Variants in PLBD1 observed in about 807,000 individuals in gnomAD.
PLBD1 encodes phospholipase B domain containing 1.
A neutral mutation model predicts 63.0 loss-of-function variants in PLBD1; 60 were observed. The observed-to-expected ratio is 0.95, with a 90% confidence interval of 0.77 to 1.18. The LOEUF (loss-of-function observed/expected upper bound fraction) is 1.18. Ranked by LOEUF, PLBD1 falls within the 50% of genes most tolerant of loss-of-function variation. The pLI is 0.00. For missense variants in PLBD1, 598 were observed against 677.9 expected (o/e 0.88, Z 1.31); for synonymous variants, 262 against 248.0 (o/e 1.06, Z -0.53).
chr12:14,566,886 G>A (rs1415158330), intron 1 of PLBD1, among the ~76,000 whole-genome samples: 2 of 151,924 alleles, frequency 1.3e-5, no homozygotes, highest in Non-Finnish European at 2.9e-5. Flanking sequence ...GCCCGAGTCA[G>A]GCGTTCGAGA....
intron 6 of PLBD1, among the ~76,000 whole-genome samples, chr12:14,523,875 T>C (rs1443551474): frequency 6.6e-6 from 1 of 152,178 alleles, no homozygotes; most frequent in African/African-American, 2.4e-5. Flanking sequence ...TGCAGCACTA[T>C]TCACAATAGT....
intron 1 of PLBD1, among the ~76,000 whole-genome samples, chr12:14,567,009 C>A (rs1209564836): frequency 6.6e-6 from 1 of 151,978 alleles, no homozygotes; most frequent in Non-Finnish European, 1.5e-5. Context: ...GGAGGAGAAT[C>A]GCTTGAACCC....
intron 6 of PLBD1, chr12:14,533,017 C>T (rs988120945): frequency 6.6e-6 from 1 of 152,004 alleles, no homozygotes; most frequent in African/African-American, 2.4e-5. Flanking sequence ...TGCATGTTAG[C>T]CTCTTTAGGT....
At chr12:14,515,208 G>A (rs1243905822) in intron 6 of PLBD1, among the ~76,000 whole-genome samples, 3 of 152,144 alleles carry the variant, frequency 2.0e-5, no homozygotes, top group Admixed American at 6.6e-5. Flanking sequence ...TGTTGAGACA[G>A]GGTGGAGTTG....
At chr12:14,563,314 G>A (rs921984836) in intron 1 of PLBD1, among the ~76,000 whole-genome samples, 1 of 152,082 alleles carries the variant, frequency 6.6e-6, no homozygotes, top group African/African-American at 2.4e-5. Context: ...GAGGCCAGGA[G>A]TTTGAGACCA....
At chr12:14,509,681 C>T (rs1253058426) in intron 8 of PLBD1, among the ~76,000 whole-genome samples, 1 of 152,170 alleles carries the variant, frequency 6.6e-6, no homozygotes, top group African/African-American at 2.4e-5. Context: ...AGGACCAGGT[C>T]CTGATCCCTA....
At chr12:14,553,134 G>A in intron 2 of PLBD1, 59 bp downstream of exon 2, 2 of 1,411,658 alleles carry the variant, frequency 1.4e-6, no homozygotes, top group Non-Finnish European at 2.0e-6. Flanking sequence ...GAGTCACTGT[G>A]GAACATGGGA....
At chr12:14,550,420 T>C (rs1265275711) in intron 2 of PLBD1, among the ~76,000 whole-genome samples, 2 of 152,208 alleles carry the variant, frequency 1.3e-5, no homozygotes, top group Admixed American at 1.3e-4. Flanking sequence ...TGTTTGTTTT[T>C]AAAATTTTCA....
chr12:14,563,988 AG>A (rs1221912225), intron 1 of PLBD1, among the ~76,000 whole-genome samples: 1 of 152,180 alleles, frequency 6.6e-6, no homozygotes, highest in East Asian at 1.9e-4. Flanking sequence ...CCTGAACCCC[AG>A]GGCTTTGGGA....
intron 8 of PLBD1, among the ~76,000 whole-genome samples, chr12:14,510,261 G>A (rs1486938707): frequency 6.6e-6 from 1 of 152,164 alleles, no homozygotes; most frequent in African/African-American, 2.4e-5. Flanking sequence ...AGGTGTGGTG[G>A]CACGTGCCTG....
chr12:14,524,789 A>G (rs1244396875), intron 6 of PLBD1, among the ~76,000 whole-genome samples: 1 of 152,252 alleles, frequency 6.6e-6, no homozygotes, highest in Non-Finnish European at 1.5e-5. Context: ...TTAGCGGACA[A>G]AGACAAAACA....
chr12:14,548,671 C>T (rs1945634642), intron 2 of PLBD1, among the ~76,000 whole-genome samples: 1 of 152,108 alleles, frequency 6.6e-6, no homozygotes, highest in Non-Finnish European at 1.5e-5. Context: ...CTCTTTTCAT[C>T]ACTGTTTTAG....
chr12:14,535,141 A>G (rs571726308), intron 6 of PLBD1, among the ~76,000 whole-genome samples: 31 of 152,282 alleles, frequency 2.0e-4, no homozygotes, highest in Middle Eastern at 6.8e-3. Context: ...ACTCTTATTC[A>G]TATTACACTT....
At position 14,504,339 on chromosome 12, in the gene PLBD1, C is replaced by T. The variant is rs143903472; in HGVS notation, c.1480-385G>A. On this transcript the variant is annotated intron_variant, in intron 10 of 10. Coordinates refer to ENST00000240617, the MANE Select transcript of PLBD1 (RefSeq NM_024829.6). ...TGCTGGGATTACAGGCATGAGCCAC[C>T]GCGCCAGGCCGCCTTCTTTAAAACA... Among the ~76,000 whole-genome samples, 79 of 152,304 alleles carry T rather than the reference C, an allele frequency of 5.2e-4. 1 individual carries two copies. In the East Asian group the frequency reaches 0.014, roughly 26 times the overall value.
Position 14,511,548 on chromosome 12 carries a change from G to C in PLBD1, c.1008C>G (p.Gly336=). 3 of 1,614,132 alleles carry C rather than the reference G, an allele frequency of 1.9e-6. No individual in the cohort carries two copies. The highest frequency in any genetic ancestry group is 2.5e-6 in the Non-Finnish European group (3 of 1,180,026). The change falls in exon 7 of 11, where the codon GGC becomes GGG. Residue 336 remains glycine, a synonymous_variant. Transcript: ENST00000240617. Reference sequence around the variant, plus strand: ...TTGAAAAGATGTCTGCCCACCTCTTGCCACTATCTGCCATCATATTGGCCA... The same window carrying C: ...TTGAAAAGATGTCTGCCCACCTCTTCCCACTATCTGCCATCATATTGGCCA... ...VRVANMMADS[G]KRWADIFSKY...
intron 1 of PLBD1, among the ~76,000 whole-genome samples, chr12:14,554,926 A>G (rs1156565970): frequency 6.6e-6 from 1 of 151,970 alleles, no homozygotes; most frequent in African/African-American, 2.4e-5. Flanking sequence ...GATTCGAAAT[A>G]TCCTCCATCG....
chr12:14,540,011 C>A (rs1345190638), intron 4 of PLBD1, among the ~76,000 whole-genome samples: 2 of 3,154 alleles, frequency 6.3e-4, no homozygotes, highest in Admixed American at 0.01. Flanking sequence ...AAAAGCTATG[C>A]ACATATATAT....
At chr12:14,521,426 G>A (rs1263184463) in intron 6 of PLBD1, among the ~76,000 whole-genome samples, 2 of 152,032 alleles carry the variant, frequency 1.3e-5, no homozygotes, top group African/African-American at 4.8e-5. Context: ...CGTGGCGCAT[G>A]AAACAAACTG....
chr12:14,553,669 A>C (rs1419342487), intron 1 of PLBD1: 3 of 530,450 alleles, frequency 5.7e-6, no homozygotes. Flanking sequence ...GGTGAGCCTG[A>C]GTGTTTCATC....
Sources: allele counts gnomAD v4.1 joint callset (sites outside exome capture counted in the v4.1 genomes callset), GRCh38; gene constraint gnomAD v4.1.1; transcripts MANE v1.5; gene names NCBI Gene and HGNC (gene_info 2026-07-23, HGNC 2026-07-21).